IDE: variants seen among roughly 807,000 people sequenced by gnomAD.
IDE encodes insulin-degrading enzyme.
In IDE, 58 loss-of-function variants were observed where a neutral mutation model predicts 133.2. The ratio of observed to expected loss-of-function variants is 0.44; its 90% CI spans 0.35 to 0.54. The LOEUF (loss-of-function observed/expected upper bound fraction) is 0.54. Among genes scored for constraint, IDE ranks in the 20% least tolerant of loss-of-function variants. The probability of loss-of-function intolerance (pLI) is 0.00; values close to 1 mark genes in which losing one functional copy is unlikely to be tolerated. For missense variants in IDE, 981 were observed against 1,234.0 expected (o/e 0.79, Z 3.07); for synonymous variants, 396 against 421.3 (o/e 0.94, Z 0.73).
intron 1 of IDE, among the ~76,000 whole-genome samples, chr10:92,567,676 T>A (rs972463326): frequency 3.3e-5 from 5 of 152,196 alleles, no homozygotes; most frequent in African/African-American, 1.2e-4. Flanking sequence ...ATTCCTTCTA[T>A]CTAAAATATT....
chr10:92,567,303 G>C (rs1353771070), intron 1 of IDE, among the ~76,000 whole-genome samples: 3 of 152,088 alleles, frequency 2.0e-5, no homozygotes, highest in Non-Finnish European at 4.4e-5. Context: ...TCCCTACCCT[G>C]GTGGCCCCTC....
chr10:92,527,203 C>T (rs2135643867), intron 4 of IDE, among the ~76,000 whole-genome samples: 1 of 152,170 alleles, frequency 6.6e-6, no homozygotes, highest in East Asian at 1.9e-4. Context: ...ACATAAAGTC[C>T]TAAGAAAGAA....
rs549461911 is a variant in IDE, at chr10:92,534,524, T to A, written c.491+54A>T. On this transcript the variant is annotated intron_variant, in intron 3 of 24. Transcript: ENST00000265986. ...TCTCTGTGGAAATAATAATTATTAT[T>A]ATTAATGTGATAAGTACACAAAGTT... 179 of 937,542 alleles carry A rather than the reference T, an allele frequency of 1.9e-4. 1 individual carries two copies. The South Asian group carries it at 2.1e-3, about 11-fold the overall frequency. 58.1% of individuals were successfully genotyped at this position (937,542 alleles called of 1,614,324 possible).
At chr10:92,535,773 C>T (rs769379190) in intron 2 of IDE, among the ~76,000 whole-genome samples, 3 of 152,190 alleles carry the variant, frequency 2.0e-5, no homozygotes, top group Middle Eastern at 3.2e-3. Flanking sequence ...CAGTGGCCCA[C>T]ACCCGTAATC....
At chr10:92,472,284 G>A (rs545385929) in intron 17 of IDE, among the ~76,000 whole-genome samples, 69 of 152,252 alleles carry the variant, frequency 4.5e-4, no homozygotes, top group South Asian at 2.5e-3. Context: ...AGATTCTAAC[G>A]AAGGGTGAAT....
At chr10:92,477,930 T>C (rs1846367791) in intron 15 of IDE, among the ~76,000 whole-genome samples, 1 of 152,184 alleles carries the variant, frequency 6.6e-6, no homozygotes, top group African/African-American at 2.4e-5. Context: ...AAAAAGTCAC[T>C]GGAAAATAAA....
At position 92,461,154 on chromosome 10, in the gene IDE, A is replaced by G. The variant is rs202188822; in HGVS notation, c.2823+37T>C. The G allele has an allele frequency of 2.0e-5, 20 of 1,013,776 alleles. No individual in the cohort carries two copies. The East Asian group carries it at 2.2e-4, about 11-fold the overall frequency. 62.8% of individuals were successfully genotyped at this position (1,013,776 alleles called of 1,614,324 possible). On this transcript the variant is annotated intron_variant, in intron 22 of 24. Coordinates refer to ENST00000265986, the MANE Select transcript of IDE (RefSeq NM_004969.4). ...CCATACCCAGCCCTATAATACTTTCATATCAGTCAAAATCTAAATATATGA... is the reference window on the plus strand; with the variant it reads ...CCATACCCAGCCCTATAATACTTTCGTATCAGTCAAAATCTAAATATATGA...
intron 4 of IDE, among the ~76,000 whole-genome samples, chr10:92,521,785 G>T (rs1211549436): frequency 6.6e-6 from 1 of 151,940 alleles, no homozygotes; most frequent in Non-Finnish European, 1.5e-5. Context: ...TAAAAATAAT[G>T]ATTTTTATAA....
intron 11 of IDE, among the ~76,000 whole-genome samples, chr10:92,498,676 G>A (rs1365088249): frequency 1.3e-5 from 2 of 152,190 alleles, no homozygotes; most frequent in African/African-American, 4.8e-5. Context: ...AGAATTGTCT[G>A]AACCCGGGAG....
intron 23 of IDE, among the ~76,000 whole-genome samples, chr10:92,456,146 G>C (rs1844995141): frequency 4.6e-5 from 7 of 152,192 alleles, no homozygotes; most frequent in Admixed American, 4.6e-4. Context: ...GTTTTCCTGT[G>C]ATGCTGTGGC....
chr10:92,574,055 TC>T lies in IDE; in HGVS notation c.-37del. ...AGTCGCCGGGATCACCGCAAACGCT[TC>T]CTGCTTGCGCTTCGAGCCGGCCCTG... On this transcript the variant is annotated 5_prime_UTR_variant, in exon 1 of 25. Coordinates refer to ENST00000265986, the MANE Select transcript of IDE (RefSeq NM_004969.4). The T allele has an allele frequency of 6.8e-7, 1 of 1,464,118 alleles. No individual in the cohort carries two copies. Among genetic ancestry groups the T allele is most frequent in the Non-Finnish European group, 9.1e-7 (1 of 1,096,404 alleles). The allele number at this position is 1,464,118 out of a possible 1,614,324, so 90.7% of individuals were successfully genotyped here.
At chr10:92,516,109 C>T (rs1048826880) in intron 4 of IDE, among the ~76,000 whole-genome samples, 1 of 150,744 alleles carries the variant, frequency 6.6e-6, no homozygotes, top group Non-Finnish European at 1.5e-5. Flanking sequence ...GCAGAAGTTG[C>T]GGTGAGCCGA....
At chr10:92,561,844 T>C (rs1054739324) in intron 1 of IDE, among the ~76,000 whole-genome samples, 5 of 152,032 alleles carry the variant, frequency 3.3e-5, no homozygotes, top group African/African-American at 9.7e-5. Context: ...GATTACACAA[T>C]CATTTCTGTA....
In IDE at chr10:92,531,740, T is replaced by G. The variant is rs748392979; in HGVS notation, c.661+8A>C. 2 of 1,564,964 alleles carry G rather than the reference T, an allele frequency of 1.3e-6. No individual in the cohort carries two copies. Among genetic ancestry groups the G allele is most frequent in the East Asian group, 2.3e-5 (1 of 43,770 alleles). ...AAATGAGGTCAAGGAAAGCAGCTGT[T>G]GACAAACCTGTCCCAAATTTACTGA... On this transcript the variant is annotated splice_region_variant and intron_variant, in intron 4 of 24. Coordinates refer to ENST00000265986, the MANE Select transcript of IDE (RefSeq NM_004969.4).
intron 11 of IDE, among the ~76,000 whole-genome samples, 197 bp downstream of exon 11, chr10:92,504,597 A>G (rs1337734571): frequency 6.6e-6 from 1 of 152,180 alleles, no homozygotes; most frequent in African/African-American, 2.4e-5. Context: ...ATGACTGAAG[A>G]GGGATGGGTA....
At chr10:92,572,895 T>C (rs1208611687) in intron 1 of IDE, 2 of 985,160 alleles carry the variant, frequency 2.0e-6, no homozygotes, top group African/African-American at 3.5e-5. Flanking sequence ...ACCCATCTTC[T>C]GACCCTCATC....
chr10:92,509,921 CAAAAAAAAAA>C, intron 6 of IDE, 119 bp downstream of exon 6: 1 of 334,330 alleles, frequency 3.0e-6, no homozygotes, highest in Non-Finnish European at 5.1e-6. Context: ...ACTCTGTTTC[CAAAAAAAAAA>C]AAAAAAAACA....
rs193177101 is a variant in IDE, at chr10:92,524,500, T to A, written c.661+7248A>T. On this transcript the variant is annotated intron_variant, in intron 4 of 24. Transcript: ENST00000265986. ...TAATATATATTATATTATAATATAT[T>A]TTATATAATATATAATATATATTAT... 2.0e-3 allele frequency among the ~76,000 whole-genome samples: 152 copies of A among 77,268 alleles called. 8 individuals are homozygous for A. Among genetic ancestry groups the A allele is most frequent in the Middle Eastern group, 5.0e-3 (1 of 202 alleles). 50.7% of individuals were successfully genotyped at this position (77,268 alleles called of 152,430 possible). A position where few individuals can be genotyped will look rare whatever the true frequency, so the allele number is the denominator to read the frequency against.
chr10:92,573,839 T>G (rs935564213), intron 1 of IDE, 83 bp downstream of exon 1: 2 of 964,724 alleles, frequency 2.1e-6, no homozygotes, highest in South Asian at 2.0e-5. Context: ...CGGCTTTAAG[T>G]GCTGAATCAC....
Sources: gnomAD v4.1 joint callset for allele counts (sites outside exome capture counted in the v4.1 genomes callset) on GRCh38, gnomAD v4.1.1 for gene constraint, MANE v1.5 for transcripts, NCBI Gene and HGNC (gene_info 2026-07-23, HGNC 2026-07-21) for gene names.